PRKG2: variants seen among roughly 807,000 people sequenced by gnomAD.
The protein encoded by PRKG2 is cGMP-dependent protein kinase 2.
A neutral mutation model predicts 97.2 loss-of-function variants in PRKG2; 33 were observed. That is an observed-to-expected ratio of 0.34 (90% CI 0.26 to 0.45). PRKG2 has a LOEUF of 0.45. Among genes scored for constraint, PRKG2 ranks in the 20% least tolerant of loss-of-function variants. The probability of loss-of-function intolerance (pLI) is 1.00; values close to 1 mark genes in which losing one functional copy is unlikely to be tolerated. For missense variants in PRKG2, 638 were observed against 900.0 expected, an observed-to-expected ratio of 0.71 and a Z score of 3.73; for synonymous variants, 330 against 321.8, an observed-to-expected ratio of 1.03 and a Z score of -0.27.
chr4:81,154,945 C>T lies in PRKG2; in HGVS notation c.913-1224G>A, dbSNP rs191695373. Among the ~76,000 whole-genome samples the T allele has an allele frequency of 3.6e-3, 553 of 152,048 alleles. 5 individuals carry two copies. Among genetic ancestry groups the T allele is most frequent in the African/African-American group, 0.013 (527 of 41,440 alleles). On this transcript the variant is annotated intron_variant, in intron 6 of 18. Coordinates refer to ENST00000264399, the MANE Select transcript of PRKG2 (RefSeq NM_006259.3). ...ATCCCAGCACTTTGGGAGGCCGAGGCGGGCAGATCACGAGGTCAGGAGATC... is the reference window on the plus strand; with the variant it reads ...ATCCCAGCACTTTGGGAGGCCGAGGTGGGCAGATCACGAGGTCAGGAGATC...
chr4:81,091,621 T>C (rs1221327163), intron 18 of PRKG2, among the ~76,000 whole-genome samples: 1 of 152,120 alleles, frequency 6.6e-6, no homozygotes, highest in Non-Finnish European at 1.5e-5. Context: ...TACAACATAC[T>C]GGAAATCATA....
chr4:81,189,617 A>G (rs1286326575), intron 2 of PRKG2, among the ~76,000 whole-genome samples: 2 of 149,200 alleles, frequency 1.3e-5, no homozygotes, highest in African/African-American at 5.1e-5. Flanking sequence ...GTTGTGGGGT[A>G]GAGGGAGTGG....
chr4:81,149,019 G>C, intron 8 of PRKG2, 67 bp from the exon 9 acceptor site: 1 of 1,456,506 alleles, frequency 6.9e-7, no homozygotes, highest in Non-Finnish European at 9.6e-7. Flanking sequence ...TTTTATTAGG[G>C]AATGTACTAA....
At position 81,138,293 on chromosome 4, in the gene PRKG2, T is replaced by G. The variant is rs149577570; in HGVS notation, c.1545-811A>C. Among the ~76,000 whole-genome samples, 282 of 152,226 alleles carry G rather than the reference T, an allele frequency of 1.9e-3. 2 individuals are homozygous for G. Among genetic ancestry groups the G allele is most frequent in the African/African-American group, 6.5e-3 (269 of 41,546 alleles). On this transcript the variant is annotated intron_variant, in intron 12 of 18. Coordinates refer to ENST00000264399, the MANE Select transcript of PRKG2 (RefSeq NM_006259.3). ...TTTCAACCTTGTGTAAAAGCAGTTT[T>G]GGGGCCTTAATCATCAAGAGACCCC...
intron 14 of PRKG2, among the ~76,000 whole-genome samples, chr4:81,128,916 T>C (rs577880826): frequency 2.0e-5 from 3 of 152,204 alleles, no homozygotes; most frequent in Non-Finnish European, 4.4e-5. Flanking sequence ...ATTGTGATGT[T>C]AGGGTGTTGA....
At chr4:81,131,591 A>C (rs1208300494) in intron 14 of PRKG2, among the ~76,000 whole-genome samples, 4 of 152,242 alleles carry the variant, frequency 2.6e-5, no homozygotes, top group African/African-American at 2.4e-5. Flanking sequence ...GCCCACCTCA[A>C]ATTGTGAAAA....
intron 2 of PRKG2, among the ~76,000 whole-genome samples, chr4:81,186,769 A>C (rs923783071): frequency 1.3e-5 from 2 of 152,188 alleles, no homozygotes; most frequent in Non-Finnish European, 2.9e-5. Context: ...TCCAACAGAC[A>C]CAATAACAAA....
intron 14 of PRKG2, among the ~76,000 whole-genome samples, chr4:81,122,850 T>C (rs1403742111): frequency 6.6e-6 from 1 of 152,200 alleles, no homozygotes; most frequent in Non-Finnish European, 1.5e-5. Flanking sequence ...GGAAGTCCTG[T>C]TGTACTGCCA....
intron 17 of PRKG2, among the ~76,000 whole-genome samples, chr4:81,100,889 T>G (rs550305358): frequency 6.6e-6 from 1 of 152,120 alleles, no homozygotes; most frequent in African/African-American, 2.4e-5. Context: ...AACAAGCCCA[T>G]CAACAAGTGG....
intron 2 of PRKG2, among the ~76,000 whole-genome samples, chr4:81,178,055 C>T (rs769661338): frequency 1.5e-5 from 2 of 134,406 alleles, no homozygotes; most frequent in Non-Finnish European, 3.2e-5. Context: ...TTCAGGTGTC[C>T]CATCTGAAAT....
chr4:81,170,114 A>G (rs1750332205), intron 4 of PRKG2, among the ~76,000 whole-genome samples: 1 of 152,098 alleles, frequency 6.6e-6, no homozygotes. Flanking sequence ...AAGGCAGTCA[A>G]TTTGTAGCTA....
Position 81,108,170 on chromosome 4 carries a change from A to C in PRKG2, c.1941-2235T>G, listed in dbSNP as rs12499559. ...CAGTGAGCTGAGACTGCCTCACTGC[A>C]CTCCAGCCTGGGCAACACAGCAAGA... On this transcript the variant is annotated intron_variant, in intron 15 of 18. Coordinates refer to ENST00000264399, the MANE Select transcript of PRKG2 (RefSeq NM_006259.3). Among the ~76,000 whole-genome samples the C allele has an allele frequency of 4.3e-3, 660 of 152,264 alleles. 26 individuals are homozygous for C. The highest frequency in any genetic ancestry group is 0.038 in the Admixed American group (583 of 15,284).
chr4:81,090,601 G>A (rs1006747399), intron 18 of PRKG2, among the ~76,000 whole-genome samples: 2 of 152,070 alleles, frequency 1.3e-5, no homozygotes, highest in African/African-American at 4.8e-5. Flanking sequence ...CAAATAAAAT[G>A]ATTTCTAACT....
chr4:81,158,826 T>C (rs1325958239), intron 6 of PRKG2, among the ~76,000 whole-genome samples: 1 of 151,978 alleles, frequency 6.6e-6, no homozygotes, highest in African/African-American at 2.4e-5. Context: ...TTGAGAAACC[T>C]GAGAAAAACA....
At chr4:81,157,245 G>A (rs1221536992) in intron 6 of PRKG2, among the ~76,000 whole-genome samples, 2 of 151,954 alleles carry the variant, frequency 1.3e-5, no homozygotes, top group African/African-American at 2.4e-5. Flanking sequence ...TGATAAAGGG[G>A]ATATCACCAC....
intron 6 of PRKG2, among the ~76,000 whole-genome samples, chr4:81,157,660 A>G (rs1351409605): frequency 2.0e-5 from 3 of 152,098 alleles, no homozygotes; most frequent in Non-Finnish European, 4.4e-5. Flanking sequence ...TCCTTGAAGA[A>G]CATTGATGCA....
intron 14 of PRKG2, among the ~76,000 whole-genome samples, chr4:81,115,564 C>T (rs1439036775): frequency 6.6e-6 from 1 of 152,162 alleles, no homozygotes; most frequent in East Asian, 1.9e-4. Flanking sequence ...TTCAGAAATG[C>T]AGGTTTCTTC....
chr4:81,160,041 A>G (rs538329860), intron 6 of PRKG2, among the ~76,000 whole-genome samples: 1 of 152,036 alleles, frequency 6.6e-6, no homozygotes, highest in South Asian at 2.1e-4. Context: ...GCGCACCAGC[A>G]TGGCACATGT....
At chr4:81,152,853 T>G (rs1470177623) in intron 7 of PRKG2, among the ~76,000 whole-genome samples, 1 of 152,242 alleles carries the variant, frequency 6.6e-6, no homozygotes, top group Admixed American at 6.5e-5. Flanking sequence ...TTTGAAACTA[T>G]TTTGTTCATG....
Sources: allele counts gnomAD v4.1 joint callset (sites outside exome capture counted in the v4.1 genomes callset), GRCh38; gene constraint gnomAD v4.1.1; transcripts MANE v1.5; gene names NCBI Gene and HGNC (gene_info 2026-07-23, HGNC 2026-07-21).